KANSL1: variants seen among roughly 807,000 people sequenced by gnomAD.
KANSL1 encodes the protein MLL1/MLL complex subunit KANSL1.
KANSL1 carries 22 observed loss-of-function variants against 103.6 expected under a neutral mutation model. The ratio of observed to expected loss-of-function variants is 0.21; its 90% CI spans 0.15 to 0.30. The LOEUF is 0.30. Among genes scored for constraint, KANSL1 ranks in the 10% least tolerant of loss-of-function variants. KANSL1 has a pLI of 1.00. For synonymous variants in KANSL1, 600 were observed against 527.6 expected (o/e 1.14, Z -1.88); for missense variants, 1,337 against 1,399.8 (o/e 0.96, Z 0.72).
intron 7 of KANSL1, among the ~76,000 whole-genome samples, chr17:46,049,111 G>A (rs76402917): frequency 0.23 from 34,424 of 151,770 alleles, 4,412 homozygotes; most frequent in African/African-American, 0.32. Context: ...GTTGATAGGA[G>A]TTCCTGAGTT....
At chr17:46,184,484 TC>T (rs1367341100) in intron 1 of KANSL1, among the ~76,000 whole-genome samples, 10 of 152,222 alleles carry the variant, frequency 6.6e-5, no homozygotes, top group African/African-American at 2.4e-4. Context: ...TAAACCTAAA[TC>T]TAACCATTTA....
chr17:46,038,981 T>C (rs779678220), intron 9 of KANSL1, 46 bp downstream of exon 9: 8 of 1,586,120 alleles, frequency 5.0e-6, no homozygotes. Context: ...CAGAAAGCCC[T>C]GAGCAGGTGC....
At chr17:46,034,104 G>C (rs1598445460) in intron 11 of KANSL1, 57 bp downstream of exon 11, 1 of 1,600,154 alleles carries the variant, frequency 6.2e-7, no homozygotes, top group South Asian at 1.1e-5. Context: ...AGAGAAGAGG[G>C]AAAAAGGGCA....
intron 2 of KANSL1, among the ~76,000 whole-genome samples, chr17:46,114,145 G>C (rs567375381): frequency 6.6e-6 from 1 of 152,344 alleles, no homozygotes; most frequent in Non-Finnish European, 1.5e-5. Flanking sequence ...CAGATCACAA[G>C]GTCACGAGTT....
rs1201882918 is a variant in KANSL1, at chr17:46,031,917, CAATTT to C, written c.3090+125_3090+129del. ...CAGTTCCACTGAACGTTGAGGAGAT[CAATTT>C]AAGTGCAGCCCTTTGTCCCTTCAAA... is the stretch of plus-strand genomic sequence containing the variant. On this transcript the variant is annotated intron_variant, in intron 14 of 14. Transcript: ENST00000432791. 26 of 1,319,544 alleles carry C rather than the reference CAATTT, an allele frequency of 2.0e-5. No homozygotes were observed. The Admixed American group carries it at 2.4e-4, about 12-fold the overall frequency. The allele number at this position is 1,319,544 out of a possible 1,614,324, so 81.7% of individuals were successfully genotyped here. A position where few individuals can be genotyped will look rare whatever the true frequency, so the allele number is the denominator to read the frequency against.
At chr17:46,033,310 C>A in intron 12 of KANSL1, 93 bp downstream of exon 12, 1 of 1,464,424 alleles carries the variant, frequency 6.8e-7, no homozygotes, top group East Asian at 2.3e-5. Flanking sequence ...ACTTCACACC[C>A]ACAAGTCTTC....
intron 6 of KANSL1, among the ~76,000 whole-genome samples, chr17:46,063,197 A>G (rs1042526739): frequency 3.3e-5 from 5 of 152,256 alleles, no homozygotes; most frequent in African/African-American, 4.8e-5. Flanking sequence ...TGTACTCACA[A>G]TAACTGTGAA....
chr17:46,194,641 ATGAC>A (rs1352433909), upstream of KANSL1, among the ~76,000 whole-genome samples: 14 of 152,276 alleles, frequency 9.2e-5, no homozygotes, highest in African/African-American at 2.7e-4. Context: ...ACTGGCTTAA[ATGAC>A]TGAAGAAAAA....
At chr17:46,067,184 T>C (rs2146664419) in intron 5 of KANSL1, among the ~76,000 whole-genome samples, 1 of 152,336 alleles carries the variant, frequency 6.6e-6, no homozygotes, top group Non-Finnish European at 1.5e-5. Context: ...TCTTTTGTTT[T>C]CTCCCTTGAA....
chr17:46,211,118 T>C (rs1190880590), intron 1 of KANSL1, among the ~76,000 whole-genome samples: 1 of 150,226 alleles, frequency 6.7e-6, no homozygotes, highest in Admixed American at 6.7e-5. Context: ...GTAAGGCATT[T>C]ACAGGAAAAA....
At chr17:46,047,821 A>C (rs1412020788) in intron 7 of KANSL1, among the ~76,000 whole-genome samples, 1 of 149,152 alleles carries the variant, frequency 6.7e-6, no homozygotes, top group Non-Finnish European at 1.5e-5. Flanking sequence ...AAAAAAAACA[A>C]AAAAAAAACT....
intron 2 of KANSL1, among the ~76,000 whole-genome samples, chr17:46,142,494 C>T (rs1034496610): frequency 6.6e-6 from 1 of 152,168 alleles, no homozygotes; most frequent in Non-Finnish European, 1.5e-5. Flanking sequence ...TAAGGGTGCA[C>T]TCCTGTGGTC....
At chr17:46,105,947 A>ACACACACACACAC (rs1396276906) in intron 2 of KANSL1, among the ~76,000 whole-genome samples, 1 of 57,778 alleles carries the variant, frequency 1.7e-5, no homozygotes, top group African/African-American at 6.6e-5. Flanking sequence ...ACACACACAC[A>ACACACACACACAC]CCCCCCCAGA....
At chr17:46,125,026 GGGGAGGTA>G (rs1234454695) in intron 2 of KANSL1, among the ~76,000 whole-genome samples, 1 of 83,588 alleles carries the variant, frequency 1.2e-5, no homozygotes, top group Non-Finnish European at 2.9e-5. Context: ...AGGGAAGGGA[GGGGAGGTA>G]GGGAGGGAGG....
chr17:46,121,143 T>C (rs538991756), intron 2 of KANSL1, among the ~76,000 whole-genome samples: 1 of 152,118 alleles, frequency 6.6e-6, no homozygotes, highest in East Asian at 1.9e-4. Context: ...CAAGACACCA[T>C]TCTCTCACTA....
intron 6 of KANSL1, among the ~76,000 whole-genome samples, chr17:46,054,118 T>C (rs916686617): frequency 6.6e-6 from 1 of 151,570 alleles, no homozygotes; most frequent in Admixed American, 6.6e-5. Flanking sequence ...GTCAGTCTCT[T>C]AAAAGAAAAA....
At chr17:46,128,522 CAGTA>C (rs1160551753) in intron 2 of KANSL1, among the ~76,000 whole-genome samples, 2 of 152,092 alleles carry the variant, frequency 1.3e-5, no homozygotes, top group Non-Finnish European at 1.5e-5. Context: ...AAAAAAAACA[CAGTA>C]AGAGGACAGA....
At chr17:46,111,735 A>G (rs2042817480) in intron 2 of KANSL1, among the ~76,000 whole-genome samples, 1 of 152,228 alleles carries the variant, frequency 6.6e-6, no homozygotes, top group Admixed American at 6.5e-5. Context: ...TGATATTGAT[A>G]TAACCAACTA....
At chr17:46,077,746 T>C (rs956620350) in intron 4 of KANSL1, among the ~76,000 whole-genome samples, 18 of 151,858 alleles carry the variant, frequency 1.2e-4, no homozygotes, top group African/African-American at 3.9e-4. Context: ...TTAGTAGAGA[T>C]AGGGTTTCAC....
Sources: gnomAD v4.1 joint callset for allele counts (sites outside exome capture counted in the v4.1 genomes callset) on GRCh38, gnomAD v4.1.1 for gene constraint, MANE v1.5 for transcripts, NCBI Gene and HGNC (gene_info 2026-07-23, HGNC 2026-07-21) for gene names.